Variants in MACROD2 observed in about 807,000 individuals in gnomAD.
MACROD2 encodes the protein ADP-ribose glycohydrolase MACROD2.
In MACROD2, 36 loss-of-function variants were observed where a neutral mutation model predicts 70.4. The observed-to-expected ratio is 0.51, with a 90% CI of 0.39 to 0.68. MACROD2 has a LOEUF of 0.68. Ranked by LOEUF, MACROD2 falls within the 30% of genes least tolerant of loss-of-function variation. The probability of loss-of-function intolerance (pLI) is 0.00; values close to 1 mark genes in which losing one functional copy is unlikely to be tolerated. For synonymous variants in MACROD2, 172 were observed against 178.8 expected (o/e 0.96, Z 0.30); for missense variants, 496 against 538.4 (o/e 0.92, Z 0.78).
chr20:14,749,013 T>G (rs181088440), intron 5 of MACROD2, among the ~76,000 whole-genome samples: 1 of 152,138 alleles, frequency 6.6e-6, no homozygotes, highest in East Asian at 1.9e-4. Flanking sequence ...AAAGGAAATG[T>G]TTTTGCTAAC....
Position 16,051,571 on chromosome 20 carries a change from AT to A in MACROD2, c.*1697del, listed in dbSNP as rs2067458974. 1 of 152,200 alleles carries A rather than the reference AT, an allele frequency of 6.6e-6. No individual in the cohort carries two copies. The highest frequency in any genetic ancestry group is 1.5e-5 in the Non-Finnish European group (1 of 68,038). 9.4% of individuals were successfully genotyped at this position (152,200 alleles called of 1,614,324 possible). ...TGTGGGATTATGGCCTTCTGTTGCTATTCCAGTTTGATATGGAAGCATCTAT... is the reference window on the plus strand; with the variant it reads ...TGTGGGATTATGGCCTTCTGTTGCTATCCAGTTTGATATGGAAGCATCTAT... On this transcript the variant is annotated 3_prime_UTR_variant, in exon 18 of 18. Transcript: ENST00000684519.
At chr20:15,058,584 A>G (rs1157819597) in intron 5 of MACROD2, among the ~76,000 whole-genome samples, 1 of 152,212 alleles carries the variant, frequency 6.6e-6, no homozygotes, top group African/African-American at 2.4e-5. Flanking sequence ...CTGTAGGTAG[A>G]AGATGTTTTT....
chr20:14,213,683 G>A (rs2081590183), intron 3 of MACROD2, among the ~76,000 whole-genome samples: 1 of 151,968 alleles, frequency 6.6e-6, no homozygotes, highest in African/African-American at 2.4e-5. Flanking sequence ...AACTCTCTAT[G>A]GACTGGGAGA....
chr20:14,937,858 C>T (rs1390262473), intron 5 of MACROD2, among the ~76,000 whole-genome samples: 1 of 152,078 alleles, frequency 6.6e-6, no homozygotes, highest in Non-Finnish European at 1.5e-5. Flanking sequence ...TTCCTAGCCT[C>T]TAGTAACCAC....
intron 5 of MACROD2, among the ~76,000 whole-genome samples, chr20:14,920,424 C>T (rs2423845): frequency 0.096 from 14,534 of 152,138 alleles, 912 homozygotes; most frequent in Non-Finnish European, 0.13. Context: ...GAGGGTGTTC[C>T]TTTCTGAATA....
intron 5 of MACROD2, among the ~76,000 whole-genome samples, chr20:15,117,531 C>G (rs7509282): frequency 0.17 from 13,676 of 79,180 alleles, 1,107 homozygotes; most frequent in East Asian, 0.63. Flanking sequence ...AATGGACAAT[C>G]CTTGACTTTT....
intron 15 of MACROD2, among the ~76,000 whole-genome samples, chr20:16,009,447 G>A (rs147079825): frequency 6.6e-6 from 1 of 152,238 alleles, no homozygotes; most frequent in East Asian, 1.9e-4. Context: ...TCTTCCAGTT[G>A]TTTCTGCTGA....
At chr20:14,331,338 G>A (rs929681851) in intron 3 of MACROD2, among the ~76,000 whole-genome samples, 3 of 152,036 alleles carry the variant, frequency 2.0e-5, no homozygotes, top group Non-Finnish European at 4.4e-5. Flanking sequence ...GTGAAAAGAC[G>A]GAAGATTAAT....
intron 8 of MACROD2, among the ~76,000 whole-genome samples, chr20:15,719,868 CTACTG>C (rs919374728): frequency 5.9e-5 from 9 of 152,088 alleles, no homozygotes; most frequent in Non-Finnish European, 1.0e-4. Context: ...TACAGTCACT[CTACTG>C]TACAATGGGA....
At chr20:15,699,420 T>C (rs137958876) in intron 8 of MACROD2, among the ~76,000 whole-genome samples, 3,899 of 152,322 alleles carry the variant, frequency 0.026, 182 homozygotes, top group African/African-American at 0.09. Flanking sequence ...AGTCCTGTGA[T>C]GTGAACTGTC....
intron 8 of MACROD2, among the ~76,000 whole-genome samples, chr20:15,659,480 C>G (rs1454129275): frequency 6.6e-6 from 1 of 151,812 alleles, no homozygotes; most frequent in Non-Finnish European, 1.5e-5. Flanking sequence ...TACTCCATAC[C>G]TGCATCAACC....
In MACROD2 at chr20:14,561,961, A is replaced by G. The variant is rs146345170; in HGVS notation, c.301+68453A>G. Among the ~76,000 whole-genome samples the G allele has an allele frequency of 4.0e-3, 580 of 144,374 alleles. 5 individuals are homozygous for G. The highest frequency in any genetic ancestry group is 0.014 in the African/African-American group (559 of 40,018). 94.7% of individuals were successfully genotyped at this position (144,374 alleles called of 152,430 possible). A position where few individuals can be genotyped will look rare whatever the true frequency, so the allele number is the denominator to read the frequency against. ...TTGAGGTCAAAAAAATAAATAAACC[A>G]GAATATGAGCCATAATCTTTTTATT... On this transcript the variant is annotated intron_variant, in intron 4 of 17. Transcript: ENST00000684519.
chr20:15,077,801 T>C (rs551202659), intron 5 of MACROD2, among the ~76,000 whole-genome samples: 1 of 152,276 alleles, frequency 6.6e-6, no homozygotes, highest in East Asian at 1.9e-4. Flanking sequence ...ATTTCTTTTA[T>C]CACTGAATTT....
intron 8 of MACROD2, among the ~76,000 whole-genome samples, chr20:15,587,348 A>G (rs1168181050): frequency 6.6e-6 from 1 of 152,188 alleles, no homozygotes; most frequent in Non-Finnish European, 1.5e-5. Flanking sequence ...TCTGAGAGAT[A>G]CAATTCAAGT....
chr20:14,126,064 A>G (rs1357165082), intron 3 of MACROD2, among the ~76,000 whole-genome samples: 1 of 152,176 alleles, frequency 6.6e-6, no homozygotes, highest in Non-Finnish European at 1.5e-5. Context: ...AAATGTCCCC[A>G]TGTATTCTGT....
intron 17 of MACROD2, among the ~76,000 whole-genome samples, chr20:16,045,009 T>A (rs976498993): frequency 7.2e-5 from 11 of 152,172 alleles, no homozygotes. Context: ...CTGAGTTGCT[T>A]GGTATATCTG....
intron 6 of MACROD2, among the ~76,000 whole-genome samples, chr20:15,388,201 A>C (rs1189853037): frequency 6.6e-6 from 1 of 152,024 alleles, no homozygotes; most frequent in African/African-American, 2.4e-5. Flanking sequence ...GGGAGAGTGG[A>C]GGTTCCTGCC....
At chr20:14,889,990 GT>G (rs1321287185) in intron 5 of MACROD2, among the ~76,000 whole-genome samples, 3 of 152,128 alleles carry the variant, frequency 2.0e-5, no homozygotes, top group African/African-American at 7.2e-5. Flanking sequence ...TGCAGTAGAA[GT>G]GATAAAAGGA....
intron 8 of MACROD2, among the ~76,000 whole-genome samples, chr20:15,527,095 C>G (rs141812283): frequency 1.2e-4 from 18 of 152,232 alleles, no homozygotes; most frequent in African/African-American, 3.9e-4. Context: ...CTTTCCCTCC[C>G]CTTGTCTGAG....
Sources: gnomAD v4.1 joint callset for allele counts (sites outside exome capture counted in the v4.1 genomes callset) on GRCh38, gnomAD v4.1.1 for gene constraint, MANE v1.5 for transcripts, NCBI Gene and HGNC (gene_info 2026-07-23, HGNC 2026-07-21) for gene names.